The following KRAS variants were observed in gnomAD, a reference collection of about 807,000 sequenced individuals.
KRAS encodes KRas proto-oncogene, GTPase.
KRAS carries 1 observed loss-of-function variant against 21.0 expected under a neutral mutation model. The observed-to-expected ratio is 0.05, with a 90% CI of 0.02 to 0.23. The LOEUF is 0.23. KRAS is among the 10% of genes least tolerant of loss of function. The probability of loss-of-function intolerance (pLI) is 1.00; values close to 1 mark genes in which losing one functional copy is unlikely to be tolerated. For synonymous variants in KRAS, 67 were observed against 72.5 expected, an observed-to-expected ratio of 0.92 and a Z score of 0.39; for missense variants, 107 against 221.8, an observed-to-expected ratio of 0.48 and a Z score of 3.29.
At chr12:25,228,674 T>C (rs1356994610) in intron 2 of KRAS, among the ~76,000 whole-genome samples, 6 of 152,062 alleles carry the variant, frequency 3.9e-5, no homozygotes, top group African/African-American at 1.4e-4. Flanking sequence ...AAAAAAAAGT[T>C]CTCAAAACAG....
At chr12:25,246,699 G>A (rs957601930) in intron 1 of KRAS, among the ~76,000 whole-genome samples, 4 of 152,122 alleles carry the variant, frequency 2.6e-5, no homozygotes, top group East Asian at 3.9e-4. Context: ...GGTGGATCAC[G>A]AGGTCAGGAG....
chr12:25,240,295 T>C (rs1951594674), intron 2 of KRAS, among the ~76,000 whole-genome samples: 1 of 152,196 alleles, frequency 6.6e-6, no homozygotes, highest in Non-Finnish European at 1.5e-5. Flanking sequence ...TCATATATAA[T>C]TAGCATGATT....
chr12:25,248,633 A>G (rs1394445447), intron 1 of KRAS, among the ~76,000 whole-genome samples: 1 of 151,550 alleles, frequency 6.6e-6, no homozygotes, highest in Non-Finnish European at 1.5e-5. Flanking sequence ...CTTGAATGAG[A>G]TTTTTAAAAC....
At chr12:25,221,653 T>G (rs1221418990) in intron 4 of KRAS, among the ~76,000 whole-genome samples, 2 of 152,162 alleles carry the variant, frequency 1.3e-5, no homozygotes, top group African/African-American at 4.8e-5. Flanking sequence ...ACATTTACTA[T>G]CTTGGCCCTT....
Position 25,245,084 on chromosome 12 carries a change from T to A in KRAS, c.111+190A>T, listed in dbSNP as rs12228277. ...AGAGTGAACATCATGGACCCTGACA[T>A]ACTCCCAAGGAAAGTAAAGTTCCCA... On this transcript the variant is annotated intron_variant, in intron 2 of 4. Transcript: ENST00000311936. Among the ~76,000 whole-genome samples the A allele has an allele frequency of 0.12, 17,952 of 152,176 alleles. 1,435 individuals carry two copies. Among genetic ancestry groups the A allele is most frequent in the Admixed American group, 0.16 (2,420 of 15,270 alleles).
chr12:25,215,418 G>A, intron 4 of KRAS: 1 of 1,612,884 alleles, frequency 6.2e-7, no homozygotes, highest in Non-Finnish European at 8.5e-7. Flanking sequence ...CAAAATTAAT[G>A]TGCTGAACTT....
At chr12:25,247,493 G>A (rs988737393) in intron 1 of KRAS, among the ~76,000 whole-genome samples, 1 of 152,104 alleles carries the variant, frequency 6.6e-6, no homozygotes, top group African/African-American at 2.4e-5. Context: ...TTGCCTCCAC[G>A]CTTTATTTCA....
Position 25,207,431 on chromosome 12 carries a change from T to C in KRAS, c.*2364A>G, listed in dbSNP as rs1951150493. Reference sequence around the variant, plus strand: ...CAGGAGGCCGAGGCACGAGAATCGCTTGAACCTGGGAGATGGAGGTTGCAG... The same window carrying C: ...CAGGAGGCCGAGGCACGAGAATCGCCTGAACCTGGGAGATGGAGGTTGCAG... On this transcript the variant is annotated 3_prime_UTR_variant, in exon 5 of 5. Coordinates refer to ENST00000311936, the MANE Select transcript of KRAS (RefSeq NM_004985.5). 1 of 189,242 alleles carries C rather than the reference T, an allele frequency of 5.3e-6. No homozygotes were observed. The highest frequency in any genetic ancestry group is 1.1e-5 in the Non-Finnish European group (1 of 90,192). 11.7% of individuals were successfully genotyped at this position (189,242 alleles called of 1,614,324 possible). A position where few individuals can be genotyped will look rare whatever the true frequency, so the allele number is the denominator to read the frequency against.
intron 1 of KRAS, among the ~76,000 whole-genome samples, chr12:25,248,625 T>A (rs1301485669): frequency 2.0e-5 from 3 of 152,022 alleles, no homozygotes; most frequent in Admixed American, 2.0e-4. Flanking sequence ...AAAAATTCCT[T>A]GAATGAGATT....
At chr12:25,225,355 AT>A (rs1254571289) in intron 4 of KRAS, 1 of 225,982 alleles carries the variant, frequency 4.4e-6, no homozygotes, top group Admixed American at 5.4e-5. Context: ...GGAAAAAAAA[AT>A]CCCCACCTCT....
At chr12:25,223,784 T>C (rs1299138995) in intron 4 of KRAS, among the ~76,000 whole-genome samples, 2 of 152,212 alleles carry the variant, frequency 1.3e-5, no homozygotes, top group African/African-American at 4.8e-5. Flanking sequence ...TTTAAATGTT[T>C]AACAATGTAA....
At chr12:25,241,580 A>C (rs561736379) in intron 2 of KRAS, among the ~76,000 whole-genome samples, 1 of 152,172 alleles carries the variant, frequency 6.6e-6, no homozygotes, top group Non-Finnish European at 1.5e-5. Context: ...TGAATTTGAC[A>C]ATTTAAAGGA....
intron 2 of KRAS, chr12:25,234,709 C>G: frequency 5.3e-6 from 1 of 188,604 alleles, no homozygotes; most frequent in Non-Finnish European, 1.1e-5. Flanking sequence ...CTAACTCATT[C>G]AAGATAAGAT....
chr12:25,247,416 C>T (rs1467855893), intron 1 of KRAS, among the ~76,000 whole-genome samples: 1 of 152,222 alleles, frequency 6.6e-6, no homozygotes, highest in Non-Finnish European at 1.5e-5. Context: ...CTCTGCTCTA[C>T]CTAGACTTAT....
rs1951179180 is a variant in KRAS, at chr12:25,209,372, A to G, written c.*423T>C. ...TGTGTTCCCTCAATGTTTCAGTAAA[A>G]ACCAATTAGAAGGTCTCAACTGAAA... On this transcript the variant is annotated 3_prime_UTR_variant, in exon 5 of 5. Coordinates refer to ENST00000311936, the MANE Select transcript of KRAS (RefSeq NM_004985.5). 1 of 673,602 alleles carries G rather than the reference A, an allele frequency of 1.5e-6. No individual in the cohort carries two copies. Among genetic ancestry groups the G allele is most frequent in the Non-Finnish European group, 2.3e-6 (1 of 434,326 alleles). 41.7% of individuals were successfully genotyped at this position (673,602 alleles called of 1,614,324 possible).
intron 2 of KRAS, chr12:25,235,138 T>C (rs1358115487): frequency 4.3e-6 from 2 of 464,114 alleles, no homozygotes; most frequent in African/African-American, 2.0e-5. Context: ...ATGTCAATAA[T>C]GTATTACTCG....
chr12:25,246,480 C>T (rs1592824526), intron 1 of KRAS, among the ~76,000 whole-genome samples: 2 of 151,464 alleles, frequency 1.3e-5, no homozygotes, highest in African/African-American at 4.8e-5. Context: ...ATCACTTGAA[C>T]CCGGGAGGCA....
intron 4 of KRAS, chr12:25,215,687 CTGTT>C (rs777687914): frequency 4.3e-5 from 32 of 752,076 alleles, no homozygotes; most frequent in East Asian, 2.1e-4. Flanking sequence ...AGACATCAGA[CTGTT>C]TGAATAAAAC....
chr12:25,221,300 T>C (rs1951322449), intron 4 of KRAS, among the ~76,000 whole-genome samples: 1 of 151,532 alleles, frequency 6.6e-6, no homozygotes, highest in African/African-American at 2.4e-5. Flanking sequence ...TGGCTTGATC[T>C]GGGCTCACTA....
Sources: allele counts gnomAD v4.1 joint callset (sites outside exome capture counted in the v4.1 genomes callset), GRCh38; gene constraint gnomAD v4.1.1; transcripts MANE v1.5; gene names NCBI Gene and HGNC (gene_info 2026-07-23, HGNC 2026-07-21).